The following NBAS variants were observed in gnomAD, a reference collection of about 807,000 sequenced individuals.
The protein encoded by NBAS is NAG/BC035112 fusion.
A neutral mutation model predicts 302.5 loss-of-function variants in NBAS; 219 were observed. The observed-to-expected ratio is 0.72, with a 90% CI of 0.65 to 0.81. NBAS has a LOEUF of 0.81. Among genes scored for constraint, NBAS ranks in the 30% least tolerant of loss-of-function variants. NBAS has a pLI of 0.00. For synonymous variants in NBAS, 1,118 were observed against 1,021.6 expected (o/e 1.09, Z -1.80); for missense variants, 2,932 against 2,841.6 (o/e 1.03, Z -0.72).
chr2:15,350,959 T>C (rs1236602982), intron 35 of NBAS, among the ~76,000 whole-genome samples: 1 of 152,174 alleles, frequency 6.6e-6, no homozygotes, highest in African/African-American at 2.4e-5. Context: ...TATATACATA[T>C]CTCACAATGC....
the NBAS span, among the ~76,000 whole-genome samples, chr2:14,848,735 C>G: frequency 6.6e-6 from 1 of 151,226 alleles, no homozygotes; most frequent in Non-Finnish European, 1.5e-5. Context: ...GATCTGAGAA[C>G]GGGCAGACTG....
chr2:15,414,346 A>G (rs1269135303), intron 25 of NBAS, among the ~76,000 whole-genome samples: 2 of 152,216 alleles, frequency 1.3e-5, no homozygotes, highest in East Asian at 1.9e-4. Context: ...TAGAATTGGA[A>G]TGAGCCCTAC....
At chr2:15,039,790 C>T in the NBAS span, among the ~76,000 whole-genome samples, 6 of 152,150 alleles carry the variant, frequency 3.9e-5, no homozygotes, top group African/African-American at 1.4e-4. Context: ...CTCTGAGGGC[C>T]AGAAGAACTC....
chr2:15,114,622 A>G, the NBAS span, among the ~76,000 whole-genome samples: 1 of 152,110 alleles, frequency 6.6e-6, no homozygotes, highest in African/African-American at 2.4e-5. Flanking sequence ...TAAAACTATA[A>G]AGAAAAATAA....
intron 47 of NBAS, among the ~76,000 whole-genome samples, chr2:15,224,405 GC>G (rs1470526827): frequency 6.6e-6 from 1 of 152,140 alleles, no homozygotes; most frequent in African/African-American, 2.4e-5. Context: ...CTACATTCAA[GC>G]AAGCAAAACA....
chr2:15,462,888 C>G (rs368835967), intron 19 of NBAS, among the ~76,000 whole-genome samples: 13 of 152,064 alleles, frequency 8.5e-5, no homozygotes, highest in African/African-American at 2.9e-4. Context: ...AGGGAACCTG[C>G]ATCTGAAAAG....
chr2:15,454,965 C>T (rs976489852), intron 21 of NBAS, among the ~76,000 whole-genome samples: 2 of 151,438 alleles, frequency 1.3e-5, no homozygotes, highest in African/African-American at 2.4e-5. Context: ...TGCAGTGGCA[C>T]GATCTAGGCT....
chr2:15,478,074 G>T (rs1156257518), intron 13 of NBAS, 152 bp downstream of exon 13: 3 of 292,808 alleles, frequency 1.0e-5, no homozygotes, highest in Non-Finnish European at 1.9e-5. Flanking sequence ...CAGAAAACTG[G>T]ATCTGTTGCC....
the NBAS span, among the ~76,000 whole-genome samples, chr2:15,092,460 A>G: frequency 6.6e-6 from 1 of 152,252 alleles, no homozygotes; most frequent in Non-Finnish European, 1.5e-5. Context: ...GAGAGTTCAG[A>G]GTAAAGATTC....
At chr2:15,130,138 A>G in the NBAS span, among the ~76,000 whole-genome samples, 1 of 152,196 alleles carries the variant, frequency 6.6e-6, no homozygotes, top group Non-Finnish European at 1.5e-5. Context: ...TACAAATTCA[A>G]TTATAGAAGA....
At chr2:14,943,145 G>C in the NBAS span, among the ~76,000 whole-genome samples, 2 of 152,142 alleles carry the variant, frequency 1.3e-5, no homozygotes, top group Admixed American at 6.5e-5. Flanking sequence ...CAAATGAGCC[G>C]TTCTAATGCA....
At chr2:14,831,397 A>G in the NBAS span, among the ~76,000 whole-genome samples, 2 of 152,240 alleles carry the variant, frequency 1.3e-5, no homozygotes, top group Non-Finnish European at 2.9e-5. Flanking sequence ...AAGGCTAAGT[A>G]AGGAATGGAA....
intron 21 of NBAS, 142 bp from the exon 22 acceptor site, chr2:15,427,936 A>G (rs1677561172): frequency 1.5e-6 from 1 of 679,768 alleles, no homozygotes; most frequent in Non-Finnish European, 2.6e-6. Flanking sequence ...TACAGGATAC[A>G]TATTATATAC....
intron 43 of NBAS, among the ~76,000 whole-genome samples, chr2:15,276,109 C>A (rs914560018): frequency 6.6e-6 from 1 of 152,144 alleles, no homozygotes; most frequent in Non-Finnish European, 1.5e-5. Flanking sequence ...TTCGAATCCG[C>A]CGCAGCACCT....
chr2:14,837,565 GC>G, the NBAS span, among the ~76,000 whole-genome samples: 1 of 151,194 alleles, frequency 6.6e-6, no homozygotes, highest in African/African-American at 2.4e-5. Flanking sequence ...TGGTGGGAAA[GC>G]TTTTATTTAT....
At chr2:14,869,941 A>G in the NBAS span, among the ~76,000 whole-genome samples, 2 of 152,338 alleles carry the variant, frequency 1.3e-5, no homozygotes, top group East Asian at 1.9e-4. Flanking sequence ...AGTGGTAGAC[A>G]TAACTTAAAT....
intron 23 of NBAS, among the ~76,000 whole-genome samples, chr2:15,422,965 C>T (rs887601524): frequency 9.2e-5 from 14 of 152,148 alleles, no homozygotes; most frequent in Non-Finnish European, 1.5e-5. Context: ...ATTTGCAAAA[C>T]TCCTATAACT....
the NBAS span, among the ~76,000 whole-genome samples, chr2:15,030,315 G>A: frequency 1.3e-5 from 2 of 152,214 alleles, 1 homozygote; most frequent in East Asian, 3.9e-4. Flanking sequence ...TGCAAGGAAG[G>A]GAAAAGGTAG....
At chr2:15,141,661 C>T in the NBAS span, among the ~76,000 whole-genome samples, 403 of 150,358 alleles carry the variant, frequency 2.7e-3, 1 homozygote, top group African/African-American at 9.4e-3. Context: ...GAACATATTG[C>T]TCATTTTCAG....
Sources: allele counts gnomAD v4.1 joint callset (sites outside exome capture counted in the v4.1 genomes callset), GRCh38; gene constraint gnomAD v4.1.1; transcripts MANE v1.5; gene names NCBI Gene and HGNC (gene_info 2026-07-23, HGNC 2026-07-21).